Variants in BAIAP3 observed in about 807,000 individuals in gnomAD.
The protein encoded by BAIAP3 is BAI1 associated protein 3.
A neutral mutation model predicts 149.7 loss-of-function variants in BAIAP3; 180 were observed. The observed-to-expected ratio is 1.20, with a 90% CI of 1.07 to 1.36. The LOEUF is 1.36. BAIAP3 is among the 40% of genes most tolerant of loss of function. The probability of loss-of-function intolerance (pLI) is 0.00; values close to 1 mark genes in which losing one functional copy is unlikely to be tolerated. For synonymous variants in BAIAP3, 845 were observed against 670.7 expected, an observed-to-expected ratio of 1.26 and a Z score of -4.02; for missense variants, 1,767 against 1,563.4, an observed-to-expected ratio of 1.13 and a Z score of -2.20.
rs185128299 is a variant in BAIAP3 at position 1,346,519 on chromosome 16, C to T, written c.2562+9C>T. The T allele has an allele frequency of 2.5e-4, 397 of 1,607,390 alleles. No homozygotes were observed. The highest frequency in any genetic ancestry group is 3.7e-4 in the Admixed American group (22 of 59,218). ...CCATCCAGAACGATGAGGTGAGTGC[C>T]GGGGCGAGGGGCCGTGGAGGACTGT... On this transcript the variant is annotated intron_variant, in intron 26 of 33. Transcript: ENST00000426824.
chr16:1,346,500 A>G lies in BAIAP3; in HGVS notation c.2552A>G (p.Gln851Arg), dbSNP rs569395511. ...ATCAGTCTCTCGCCTGACTCCATCCAGAACGATGAGGTGAGTGCCGGGGCG... is the reference window on the plus strand; with the variant it reads ...ATCAGTCTCTCGCCTGACTCCATCCGGAACGATGAGGTGAGTGCCGGGGCG... ...QHISLSPDSI[Q>R]NDEAVAPLMK... Residue 851 changes from glutamine (Q) to arginine (R), a missense_variant, in exon 26 of 34, where the codon CAG (glutamine) becomes CGG (arginine). By Grantham distance (43) the Gln-to-Arg change is conservative. Coordinates refer to ENST00000426824, the MANE Select transcript of BAIAP3 (RefSeq NM_001199097.2). The G allele has an allele frequency of 3.7e-6, 6 of 1,611,274 alleles. No individual in the cohort carries two copies. The East Asian group carries it at 1.3e-4, about 36-fold the overall frequency.
At chr16:1,335,989 G>T (rs1246246511) in intron 1 of BAIAP3, among the ~76,000 whole-genome samples, 1 of 152,218 alleles carries the variant, frequency 6.6e-6, no homozygotes, top group Non-Finnish European at 1.5e-5. Flanking sequence ...AGGTGAATGT[G>T]GAGAGGAAAA....
Position 1,341,207 on chromosome 16 carries a change from C to CT in BAIAP3, c.535+12_535+13insT, listed in dbSNP as rs779975248. On this transcript the variant is annotated intron_variant, in intron 7 of 33. Transcript: ENST00000426824. The stretch of plus-strand genomic sequence containing the variant: ...CAAGGACCCCAACGGTGAGTGGGGA[C>CT]CCAGCAGACCTCGGCTGCGCCGAGG... The CT allele has an allele frequency of 9.3e-6, 15 of 1,611,114 alleles. No homozygotes were observed. Among genetic ancestry groups the CT allele is most frequent in the Admixed American group, 3.4e-5 (2 of 59,678 alleles).
Position 1,346,262 on chromosome 16 carries a change from C to G in BAIAP3, c.2394C>G (p.Pro798=), listed in dbSNP as rs375157329. 43 of 1,610,396 alleles carry G rather than the reference C, an allele frequency of 2.7e-5. No individual in the cohort carries two copies. In the African/African-American group the frequency reaches 4.3e-4, roughly 16 times the overall value. Residue 798 remains proline, a synonymous_variant, in exon 25 of 34, where the codon CCC becomes CCG. Transcript: ENST00000426824. The part of the protein sequence containing the change: ...GLAWPEGATG[P]EGVLPRPLLS... ...CATGGCCAGAGGGGGCCACGGGGCCCGAGGGGGTGCTCCCCCGCCCTCTGC... is the reference window on the plus strand; with the variant it reads ...CATGGCCAGAGGGGGCCACGGGGCCGGAGGGGGTGCTCCCCCGCCCTCTGC...
rs773168499 is a variant in BAIAP3, at chr16:1,341,434, G to T, written c.676G>T (p.Val226Phe). ...GGPLPAKCIQVTEVKSSTLNP... is the reference protein window; with the variant it reads ...GGPLPAKCIQFTEVKSSTLNP... ...ACCCCTGCCTGCCAAGTGCATCCAG[G>T]TCACCGAGGTGAAGAGCAGCACCCT... The change falls in exon 8 of 34, where the codon GTC (valine) becomes TTC (phenylalanine). Residue 226 changes from valine (V) to phenylalanine (F), a missense_variant. Val to Phe is a conservative substitution (Grantham distance 50). Coordinates refer to ENST00000426824, the MANE Select transcript of BAIAP3 (RefSeq NM_001199097.2). 1.9e-6 allele frequency: 3 copies of T among 1,612,658 alleles called. No individual in the cohort carries two copies. The Admixed American group carries it at 5.0e-5, about 27-fold the overall frequency.
chr16:1,343,169 G>C, intron 14 of BAIAP3, 153 bp downstream of exon 14: 1 of 1,098,968 alleles, frequency 9.1e-7, no homozygotes, highest in Non-Finnish European at 1.3e-6. Flanking sequence ...GATTGGGCGG[G>C]AAGGGAAGGG....
rs780288382 is a variant in BAIAP3 at position 1,347,776 on chromosome 16, G to A, written c.2980G>A (p.Val994Met). 25 of 1,609,390 alleles carry A rather than the reference G, an allele frequency of 1.6e-5. No individual in the cohort carries two copies. The highest frequency in any genetic ancestry group is 4.5e-5 in the East Asian group (2 of 44,772). ...HYEAAEQRLAVEVLHAADLLP... is the reference protein window; with the variant it reads ...HYEAAEQRLAMEVLHAADLLP... ...CGAGGCGGCTGAGCAGCGGCTGGCCGTGGAGGTGCTGCACGCCGCGGACCT... is the reference window on the plus strand; with the variant it reads ...CGAGGCGGCTGAGCAGCGGCTGGCCATGGAGGTGCTGCACGCCGCGGACCT... The change falls in exon 31 of 34, where the codon GTG (valine) becomes ATG (methionine). Residue 994 changes from valine (V) to methionine (M), a missense_variant. Val to Met is a conservative substitution (Grantham distance 21). Coordinates refer to ENST00000426824, the MANE Select transcript of BAIAP3 (RefSeq NM_001199097.2).
chr16:1,341,028 G>A (rs766354076), intron 6 of BAIAP3, 47 bp downstream of exon 6: 33 of 1,609,636 alleles, frequency 2.1e-5, no homozygotes, highest in African/African-American at 5.3e-5. Flanking sequence ...ACGTGCCTGC[G>A]TGGCGGGGGC....
rs368102991 is a variant in BAIAP3, at chr16:1,347,978, C to T, written c.3110C>T (p.Thr1037Ile). 3.7e-6 allele frequency: 6 copies of T among 1,611,406 alleles called. No homozygotes were observed. The highest frequency in any genetic ancestry group is 4.2e-6 in the Non-Finnish European group (5 of 1,179,962). ...CGCAGCCAGAGGACCCAGGTGAAGA[C>T]CCGGACGCTGCACCCTGTATACGAC... ...LVRSQRTQVKTRTLHPVYDEL... is the reference protein window; with the variant it reads ...LVRSQRTQVKIRTLHPVYDEL... Residue 1037 changes from threonine (T) to isoleucine (I), a missense_variant, in exon 32 of 34, where the codon ACC becomes ATC. Thr to Ile is a moderately conservative substitution (Grantham distance 89). Transcript: ENST00000426824.
At position 1,348,199 on chromosome 16, in the gene BAIAP3, C is replaced by T. The variant is rs1394029809; in HGVS notation, c.3253C>T (p.Leu1085Phe). ...CAACGACTTCGCTGGGGAGGCGGCC[C>T]TCGGCCTAGGTGGCGTCACTGGTGT... ...STNDFAGEAA[L>F]GLGGVTGVAR... Residue 1085 changes from leucine to phenylalanine, a missense_variant, in exon 33 of 34, where the codon CTC becomes TTC. Coordinates refer to ENST00000426824, the MANE Select transcript of BAIAP3 (RefSeq NM_001199097.2). 1 of 1,609,008 alleles carries T rather than the reference C, an allele frequency of 6.2e-7. No individual in the cohort carries two copies. Among genetic ancestry groups the T allele is most frequent in the African/African-American group, 1.3e-5 (1 of 74,930 alleles).
In BAIAP3 at chr16:1,339,574, G is replaced by T; in HGVS notation, c.379G>T (p.Glu127Ter). Residue 127 changes from glutamate to a stop codon, truncating the protein, a stop_gained, in exon 5 of 34, where the codon GAG becomes TAG. Transcript: ENST00000426824. LOFTEE classifies it high-confidence loss of function. The stretch of plus-strand genomic sequence containing the variant: ...CATGGGCCCTGACCAGGTGGACGAC[G>T]AGGAGGCCCTGCTCAGCTATCTCCA... ...GTMGPDQVDD[E>*]EALLSYLQQV... The T allele has an allele frequency of 6.2e-7, 1 of 1,612,518 alleles. No individual in the cohort carries two copies. The highest frequency in any genetic ancestry group is 8.5e-7 in the Non-Finnish European group (1 of 1,179,784).
chr16:1,339,179 G>A lies in BAIAP3; in HGVS notation c.235G>A (p.Gly79Ser). 1.3e-6 allele frequency: 2 copies of A among 1,566,802 alleles called. No individual in the cohort carries two copies. The highest frequency in any genetic ancestry group is 2.3e-5 in the South Asian group (2 of 85,992). Residue 79 changes from glycine to serine, a missense_variant, in exon 4 of 34, where the codon GGC becomes AGC. Gly to Ser is a moderately conservative substitution (Grantham distance 56). Coordinates refer to ENST00000426824, the MANE Select transcript of BAIAP3 (RefSeq NM_001199097.2). ...LPCLEVPLRS[G>S]SPAPPEPVDP... ...CCACACACAGGTCCCCCTGCGCAGT[G>A]GCTCGCCAGCACCCCCGGAGCCTGT...
rs143700207 is a variant in BAIAP3, at chr16:1,338,579, C to T, written c.30C>T (p.Ser10=). ...CGACCTTGCTGGACATTAAGAGCAG[C>T]GTGCTCAGGCAGGTGCAGGTGTGCC... MSTLLDIKS[S]VLRQVQVCPS... is the part of the protein sequence containing the mutation. Residue 10 remains serine (S), a synonymous_variant, in exon 2 of 34, where the codon AGC becomes AGT. Coordinates refer to ENST00000426824, the MANE Select transcript of BAIAP3 (RefSeq NM_001199097.2). 240 of 1,609,932 alleles carry T rather than the reference C, an allele frequency of 1.5e-4. No individual in the cohort carries two copies. In the African/African-American group the frequency reaches 2.4e-3, roughly 16 times the overall value.
At chr16:1,336,378 G>A (rs1232672261) in intron 1 of BAIAP3, 1 of 985,308 alleles carries the variant, frequency 1.0e-6, no homozygotes, top group African/African-American at 1.7e-5. Flanking sequence ...CACAGGGGAA[G>A]GCACTGATAG....
In BAIAP3 at chr16:1,342,534, C is replaced by T; in HGVS notation, c.965C>T (p.Pro322Leu). The change falls in exon 12 of 34, where the codon CCT (proline) becomes CTT (leucine). Residue 322 changes from proline (P) to leucine (L), a missense_variant. Coordinates refer to ENST00000426824, the MANE Select transcript of BAIAP3 (RefSeq NM_001199097.2). ...CCCCCATGCTACCCCCAGGAGGTGC[C>T]TGTGGCTGGCGTCGACCGCTGGTTC... ...GCLNIPVREV[P>L]VAGVDRWFKL... The T allele has an allele frequency of 6.4e-7, 1 of 1,552,130 alleles. No individual in the cohort carries two copies. The highest frequency in any genetic ancestry group is 8.7e-7 in the Non-Finnish European group (1 of 1,148,130).
rs2033704247 is a variant in BAIAP3, at chr16:1,339,491, T to C, written c.301-5T>C. 2 of 1,605,510 alleles carry C rather than the reference T, an allele frequency of 1.2e-6. No individual in the cohort carries two copies. Among genetic ancestry groups the C allele is most frequent in the Non-Finnish European group, 1.7e-6 (2 of 1,174,722 alleles). On this transcript the variant is annotated splice_polypyrimidine_tract_variant and splice_region_variant and intron_variant, in intron 4 of 33. Transcript: ENST00000426824. ...GCACTGTGGCCGCCCTTCCCCCACC[T>C]GCAGGTGGAGATGCTCTACGAGGAG...
intron 13 of BAIAP3, 33 bp from the exon 14 acceptor site, chr16:1,342,880 C>T: frequency 6.2e-7 from 1 of 1,611,826 alleles, no homozygotes; most frequent in Non-Finnish European, 8.5e-7. Context: ...TGGGGCTGTC[C>T]CGCCTCCACC....
rs73485679 is a variant in BAIAP3 at position 1,349,372 on chromosome 16, T to C, written c.*890T>C. 1.5e-3 allele frequency: 2,436 copies of C among 1,581,172 alleles called. 38 individuals carry two copies. In the African/African-American group the frequency reaches 0.028, roughly 18 times the overall value. On this transcript the variant is annotated 3_prime_UTR_variant, in exon 34 of 34. Transcript: ENST00000426824. ...AAAGAGCCGAGGCTGCCAGGCCCAT[T>C]TATGTCCCTCATGTCTCTAGATTTT...
At position 1,339,540 on chromosome 16, in the gene BAIAP3, C is replaced by T. The variant is rs762839563; in HGVS notation, c.345C>T (p.Arg115=). The change falls in exon 5 of 34, where the codon CGC becomes CGT. Residue 115 remains arginine, a synonymous_variant. Coordinates refer to ENST00000426824, the MANE Select transcript of BAIAP3 (RefSeq NM_001199097.2). ...YEEALYTVLY[R]AGTMGPDQVD... ...AGGCCCTGTACACGGTGCTTTACCG[C>T]GCGGGTACCATGGGCCCTGACCAGG... 16 of 1,612,582 alleles carry T rather than the reference C, an allele frequency of 9.9e-6. No individual in the cohort carries two copies. The highest frequency in any genetic ancestry group is 1.7e-5 in the Admixed American group (1 of 59,970).
Sources: gnomAD v4.1 joint callset for allele counts (sites outside exome capture counted in the v4.1 genomes callset) on GRCh38, gnomAD v4.1.1 for gene constraint, MANE v1.5 for transcripts, NCBI Gene and HGNC (gene_info 2026-07-23, HGNC 2026-07-21) for gene names.